Variants in USP25 observed in about 807,000 individuals in gnomAD.
USP25 encodes ubiquitin specific peptidase 25, also known as ubiquitin carboxyl-terminal hydrolase 25.
In USP25, 85 loss-of-function variants were observed where a neutral mutation model predicts 158.5. That is an observed-to-expected ratio of 0.54 (90% CI 0.45 to 0.64). The LOEUF is 0.64. Among genes scored for constraint, USP25 ranks in the 30% least tolerant of loss-of-function variants. The probability of loss-of-function intolerance (pLI) is 0.00; values close to 1 mark genes in which losing one functional copy is unlikely to be tolerated. For synonymous variants in USP25, 464 were observed against 460.4 expected, an observed-to-expected ratio of 1.01 and a Z score of -0.10; for missense variants, 1,242 against 1,327.3, an observed-to-expected ratio of 0.94 and a Z score of 1.00.
At chr21:15,783,072 A>G (rs767497680) in intron 4 of USP25, among the ~76,000 whole-genome samples, 4 of 152,184 alleles carry the variant, frequency 2.6e-5, no homozygotes, top group African/African-American at 7.2e-5. Context: ...CAAAACAGGA[A>G]TCTTGGAGCT....
chr21:15,810,529 T>C (rs2036605479), intron 8 of USP25, among the ~76,000 whole-genome samples: 2 of 152,174 alleles, frequency 1.3e-5, no homozygotes, highest in Admixed American at 6.5e-5. Context: ...AAGAAAAAAA[T>C]GAATTTTGGT....
At chr21:15,869,023 G>A (rs1026815348) in intron 22 of USP25, among the ~76,000 whole-genome samples, 6 of 152,166 alleles carry the variant, frequency 3.9e-5, no homozygotes, top group African/African-American at 1.4e-4. Flanking sequence ...GGCACAGGGA[G>A]TTGTTTGAGG....
chr21:15,765,837 T>C (rs2034008361), intron 2 of USP25, among the ~76,000 whole-genome samples, 160 bp from the exon 3 acceptor site: 1 of 152,114 alleles, frequency 6.6e-6, no homozygotes, highest in Non-Finnish European at 1.5e-5. Flanking sequence ...TAGTATACTT[T>C]ATGTATGATG....
At chr21:15,769,575 A>C (rs1156704532) in intron 3 of USP25, among the ~76,000 whole-genome samples, 1 of 152,144 alleles carries the variant, frequency 6.6e-6, no homozygotes, top group African/African-American at 2.4e-5. Flanking sequence ...TCAAAAACAC[A>C]AATGAAAATG....
chr21:15,811,502 ATGGT>A (rs1365398341), intron 9 of USP25, among the ~76,000 whole-genome samples: 2 of 152,110 alleles, frequency 1.3e-5, no homozygotes, highest in African/African-American at 4.8e-5. Flanking sequence ...GATTAATGGG[ATGGT>A]TGATAGATCC....
chr21:15,746,014 A>G (rs1227680062), intron 1 of USP25, among the ~76,000 whole-genome samples: 2 of 152,196 alleles, frequency 1.3e-5, no homozygotes, highest in East Asian at 3.8e-4. Flanking sequence ...TTAATTGATC[A>G]TGTATGAGTG....
At position 15,843,371 on chromosome 21, in the gene USP25, G is replaced by A. The variant is rs896372706; in HGVS notation, c.2337+831G>A. On this transcript the variant is annotated intron_variant, in intron 18 of 25. Transcript: ENST00000400183. The surrounding 1 kb of genome is among the most constrained non-coding windows in gnomAD (Gnocchi z 4.0). ...ATAATTTTACAACACGTAATTTTCT[G>A]CTTAGTAAGTGAATTCAGTGCCAGC... Among the ~76,000 whole-genome samples, 12 of 152,128 alleles carry A rather than the reference G, an allele frequency of 7.9e-5. No homozygotes were observed. Among genetic ancestry groups the A allele is most frequent in the African/African-American group, 1.9e-4 (8 of 41,416 alleles).
chr21:15,798,210 T>A (rs538063799), intron 5 of USP25, among the ~76,000 whole-genome samples: 7 of 151,442 alleles, frequency 4.6e-5, no homozygotes, highest in African/African-American at 1.7e-4. Context: ...TGGCAACCTT[T>A]CATGATATTG....
At chr21:15,794,225 T>C (rs1159912115) in intron 5 of USP25, among the ~76,000 whole-genome samples, 1 of 151,656 alleles carries the variant, frequency 6.6e-6, no homozygotes, top group East Asian at 1.9e-4. Flanking sequence ...CAGTTATAGA[T>C]AGCTTTGCAT....
chr21:15,757,803 T>C lies in USP25; in HGVS notation c.46-5088T>C, dbSNP rs75668295. 7.5e-3 allele frequency among the ~76,000 whole-genome samples: 1,148 copies of C among 152,228 alleles called. 9 individuals are homozygous for C. The highest frequency in any genetic ancestry group is 0.023 in the African/African-American group (974 of 41,528). Reference sequence around the variant, plus strand: ...ATCCATGACAAAAGGAAATACATCATGTGTGAGGAAGTAAAAGTGGCAAAG... The same window carrying C: ...ATCCATGACAAAAGGAAATACATCACGTGTGAGGAAGTAAAAGTGGCAAAG... On this transcript the variant is annotated intron_variant, in intron 1 of 25. Transcript: ENST00000400183.
intron 1 of USP25, among the ~76,000 whole-genome samples, chr21:15,755,210 A>T (rs2033297185): frequency 1.3e-5 from 2 of 151,252 alleles, no homozygotes; most frequent in Non-Finnish European, 2.9e-5. Flanking sequence ...AGGTCATTCT[A>T]AGAGTTGCGC....
chr21:15,746,246 G>A (rs111532232), intron 1 of USP25, among the ~76,000 whole-genome samples: 4,400 of 152,246 alleles, frequency 0.029, 105 homozygotes, highest in Non-Finnish European at 0.041. Context: ...TTCTGAGTAG[G>A]ATTGTGTTGG....
intron 21 of USP25, among the ~76,000 whole-genome samples, chr21:15,865,835 G>T (rs192090397): frequency 6.0e-4 from 91 of 152,222 alleles, no homozygotes; most frequent in African/African-American, 2.1e-3. Flanking sequence ...ATAAAATCCA[G>T]TGGGATGTTT....
rs115071895 is a variant in USP25, at chr21:15,803,433, A to G, written c.643-1688A>G. On this transcript the variant is annotated intron_variant, in intron 6 of 25. Coordinates refer to ENST00000400183, the MANE Select transcript of USP25 (RefSeq NM_001283041.3). ...AGAGAAGTGGGGCTTATCCAGGAAT[A>G]CAAAATTGGTTTAGCTTTCAAAAAT... Among the ~76,000 whole-genome samples the G allele has an allele frequency of 3.7e-3, 568 of 151,956 alleles. 2 individuals carry two copies. Among genetic ancestry groups the G allele is most frequent in the African/African-American group, 0.013 (543 of 41,546 alleles).
Position 15,847,786 on chromosome 21 carries a change from A to G in USP25, c.2451+10A>G, listed in dbSNP as rs997018360. On this transcript the variant is annotated intron_variant, in intron 19 of 25. Transcript: ENST00000400183. ...GGGGTATGATGACGAGGTACCTTTT[A>G]CAGCCCTCTGCACCATTGCTACTTA... 1 of 1,513,150 alleles carries G rather than the reference A, an allele frequency of 6.6e-7. No homozygotes were observed. The highest frequency in any genetic ancestry group is 2.5e-5 in the East Asian group (1 of 40,692). 93.7% of individuals were successfully genotyped at this position (1,513,150 alleles called of 1,614,324 possible).
In USP25 at chr21:15,875,579, A is replaced by G. The variant is rs1055150165; in HGVS notation, c.3009+1053A>G. 6.6e-6 allele frequency among the ~76,000 whole-genome samples: 1 copy of G among 152,246 alleles called. No homozygotes were observed. Among genetic ancestry groups the G allele is most frequent in the Admixed American group, 6.5e-5 (1 of 15,292 alleles). On this transcript the variant is annotated intron_variant, in intron 24 of 25. Coordinates refer to ENST00000400183, the MANE Select transcript of USP25 (RefSeq NM_001283041.3). This position sits in a 1 kb window ranked among gnomAD's most constrained non-coding sequence, Gnocchi z 4.7. ...AGTGCCATTATGAGAAATATGCACA[A>G]TGATATGCCTGAAATATTTGGGAAG...
At chr21:15,800,759 A>G (rs1258067684) in intron 6 of USP25, among the ~76,000 whole-genome samples, 1 of 151,426 alleles carries the variant, frequency 6.6e-6, no homozygotes, top group Non-Finnish European at 1.5e-5. Flanking sequence ...TTTTAGTAGG[A>G]GTGATGAAAT....
intron 24 of USP25, chr21:15,876,178 ATTCTT>A (rs1470317810): frequency 1.3e-5 from 2 of 152,230 alleles, no homozygotes; most frequent in African/African-American, 4.8e-5. Flanking sequence ...TTTCCAGGAC[ATTCTT>A]TGATTCAGTG....
At chr21:15,815,954 T>A (rs1157603251) in intron 9 of USP25, among the ~76,000 whole-genome samples, 1 of 152,066 alleles carries the variant, frequency 6.6e-6, no homozygotes, top group African/African-American at 2.4e-5. Context: ...AGCTAAGACT[T>A]TGGGGGATTG....
Sources: allele counts gnomAD v4.1 joint callset (sites outside exome capture counted in the v4.1 genomes callset), GRCh38; gene constraint gnomAD v4.1.1; non-coding constraint Gnocchi (gnomAD v3.1); transcripts MANE v1.5; gene names NCBI Gene and HGNC (gene_info 2026-07-23, HGNC 2026-07-21).